SEMA6D: variants seen among roughly 807,000 people sequenced by gnomAD.
SEMA6D encodes semaphorin 6D.
A neutral mutation model predicts 106.6 loss-of-function variants in SEMA6D; 35 were observed. That is an observed-to-expected ratio of 0.33 (90% CI 0.25 to 0.44). The LOEUF is 0.44. Among genes scored for constraint, SEMA6D ranks in the 20% least tolerant of loss-of-function variants. SEMA6D has a pLI of 1.00. For synonymous variants in SEMA6D, 499 were observed against 487.7 expected (o/e 1.02, Z -0.31); for missense variants, 1,185 against 1,345.9 (o/e 0.88, Z 1.87).
chr15:47,768,848 C>A, intron 18 of SEMA6D, 100 bp downstream of exon 18: 1 of 1,168,292 alleles, frequency 8.6e-7, no homozygotes, highest in Non-Finnish European at 1.2e-6. Context: ...CTCACAGGAG[C>A]TTCTGCGGTT....
chr15:47,445,269 G>A (rs967097163), intron 2 of SEMA6D, among the ~76,000 whole-genome samples: 3 of 151,938 alleles, frequency 2.0e-5, no homozygotes, highest in Admixed American at 6.6e-5. Flanking sequence ...TCTCACTGAG[G>A]GCCATGAGTT....
At chr15:47,227,658 G>C (rs931548479) in intron 1 of SEMA6D, among the ~76,000 whole-genome samples, 1 of 148,628 alleles carries the variant, frequency 6.7e-6, no homozygotes, top group East Asian at 2.0e-4. Flanking sequence ...TGTGTAAAAG[G>C]TAGATATCTG....
rs1484924727 is a variant in SEMA6D, at chr15:47,771,252, A to G, written c.2689A>G (p.Met897Val). ...NDPNSNPKAI[M>V]GDIQMAHQNL... ...CCCAAATAGTAACCCCAAAGCCATC[A>G]TGGGAGACATCCAGATGGCACACCA... Residue 897 changes from methionine to valine, a missense_variant, in exon 19 of 19, where the codon ATG becomes GTG. By Grantham distance (21) the Met-to-Val change is conservative (BLOSUM62 1). Around this residue, in one of 3 missense-constraint regions of SEMA6D, gnomAD observed 750 missense variants for 783.5 expected, o/e 0.96. Coordinates refer to ENST00000536845, the MANE Select transcript of SEMA6D (RefSeq NM_001358351.3). 2 of 1,614,056 alleles carry G rather than the reference A, an allele frequency of 1.2e-6. No individual in the cohort carries two copies. The highest frequency in any genetic ancestry group is 1.7e-4 in the Middle Eastern group (1 of 6,060).
In SEMA6D at chr15:47,554,237, G is replaced by A. The variant is rs566505437; in HGVS notation, c.-86-46628G>A. 2.0e-4 allele frequency among the ~76,000 whole-genome samples: 31 copies of A among 152,266 alleles called. No individual in the cohort carries two copies. In the South Asian group the frequency reaches 5.8e-3, roughly 29 times the overall value. On this transcript the variant is annotated intron_variant, in intron 3 of 19. Coordinates refer to the SEMA6D transcript ENST00000558014. ...CACTCTAGTGTAGAGTCCTCTATTC[G>A]TAGCCTCTGTACATTCTGGAGTCCA...
At chr15:47,380,786 G>A (rs2039613581) in intron 1 of SEMA6D, among the ~76,000 whole-genome samples, 1 of 152,244 alleles carries the variant, frequency 6.6e-6, no homozygotes, top group East Asian at 1.9e-4. Flanking sequence ...AGTCAGTTAA[G>A]TAAAGATCAG....
At chr15:47,711,617 T>G (rs143604567) in intron 4 of SEMA6D, among the ~76,000 whole-genome samples, 1 of 152,302 alleles carries the variant, frequency 6.6e-6, no homozygotes, top group African/African-American at 2.4e-5. Context: ...GCTTTTGATT[T>G]TTATCCCAGA....
upstream of SEMA6D, among the ~76,000 whole-genome samples, chr15:47,715,465 A>T (rs747780392): frequency 7.9e-5 from 12 of 152,212 alleles, no homozygotes; most frequent in Non-Finnish European, 1.8e-4. Context: ...GCTTAAAAGT[A>T]ATATTTTGGT....
Position 47,762,291 on chromosome 15 carries a change from A to G in SEMA6D, c.630A>G (p.Thr210=). The G allele has an allele frequency of 1.9e-6, 3 of 1,613,610 alleles. No individual in the cohort carries two copies. Among genetic ancestry groups the G allele is most frequent in the Non-Finnish European group, 2.5e-6 (3 of 1,179,618 alleles). The change falls in exon 8 of 19, where the codon ACA becomes ACG. Residue 210 remains threonine, a synonymous_variant. Coordinates refer to ENST00000536845, the MANE Select transcript of SEMA6D (RefSeq NM_001358351.3). The part of the protein sequence containing the change: ...RSMGDGSALR[T]IKYDSKWIKE... ...TGGGTGATGGATCTGCCCTTCGCAC[A>G]ATAAAATATGATTCCAAATGGATAA...
chr15:47,345,307 T>C (rs1480698692), intron 1 of SEMA6D, among the ~76,000 whole-genome samples: 2 of 152,112 alleles, frequency 1.3e-5, no homozygotes, highest in Admixed American at 6.6e-5. Flanking sequence ...CACTAACAGA[T>C]TGTAAGGCTT....
Position 47,710,263 on chromosome 15 carries a change from A to C in SEMA6D, c.-54-49482A>C, listed in dbSNP as rs75191300. 3.4e-3 allele frequency among the ~76,000 whole-genome samples: 517 copies of C among 152,320 alleles called. 5 individuals are homozygous for C. Among genetic ancestry groups the C allele is most frequent in the African/African-American group, 0.012 (496 of 41,576 alleles). On this transcript the variant is annotated intron_variant, in intron 4 of 19. Transcript: ENST00000558014. ...ATATAAGAGACAAGCATTTCTTCTT[A>C]TTTTAATATGACAGTTACTGAGGTT...
intron 2 of SEMA6D, among the ~76,000 whole-genome samples, chr15:47,458,002 A>G (rs2042395371): frequency 6.6e-6 from 1 of 151,996 alleles, no homozygotes; most frequent in Non-Finnish European, 1.5e-5. Flanking sequence ...GAAACCTCTT[A>G]AAGTACTGAA....
At chr15:47,542,799 C>A (rs1044142188) in intron 3 of SEMA6D, among the ~76,000 whole-genome samples, 1 of 152,148 alleles carries the variant, frequency 6.6e-6, no homozygotes, top group African/African-American at 2.4e-5. Context: ...AGATGCTCTT[C>A]CTAGCAATGA....
chr15:47,652,481 G>A (rs538817988), intron 4 of SEMA6D, among the ~76,000 whole-genome samples: 24 of 152,036 alleles, frequency 1.6e-4, no homozygotes, highest in East Asian at 5.8e-4. Context: ...TGCCCGCTCC[G>A]CTCCCCTTCT....
At chr15:47,768,791 C>G in intron 18 of SEMA6D, 43 bp downstream of exon 18, 1 of 1,573,918 alleles carries the variant, frequency 6.4e-7, no homozygotes, top group Non-Finnish European at 8.7e-7. Context: ...GCGTGGAAAC[C>G]TGATCCTTAA....
At chr15:47,765,342 C>G in intron 13 of SEMA6D, 1 of 1,188,056 alleles carries the variant, frequency 8.4e-7, no homozygotes, top group Non-Finnish European at 1.0e-6. Context: ...AGATATATTC[C>G]AAGATGCTAC....
intron 2 of SEMA6D, among the ~76,000 whole-genome samples, chr15:47,428,904 G>T (rs1319102434): frequency 1.3e-5 from 2 of 151,384 alleles, no homozygotes; most frequent in African/African-American, 2.4e-5. Flanking sequence ...GAAAAGAAAA[G>T]AAGTGGAAAG....
chr15:47,185,809 A>G (rs1366865281), intron 1 of SEMA6D: 2 of 152,072 alleles, frequency 1.3e-5, no homozygotes, highest in Non-Finnish European at 2.9e-5. Context: ...CATTCTTTAA[A>G]TTACAATGGT....
intron 1 of SEMA6D, among the ~76,000 whole-genome samples, chr15:47,336,406 A>G (rs1288475131): frequency 6.6e-6 from 1 of 152,148 alleles, no homozygotes; most frequent in African/African-American, 2.4e-5. Flanking sequence ...CAAATTCTCC[A>G]CTTGATAATT....
intron 4 of SEMA6D, among the ~76,000 whole-genome samples, chr15:47,687,743 G>A (rs191312181): frequency 6.6e-6 from 1 of 152,288 alleles, no homozygotes; most frequent in African/African-American, 2.4e-5. Flanking sequence ...AAAAGTAGCA[G>A]AGAGAGATTT....
Sources: allele counts gnomAD v4.1 joint callset (sites outside exome capture counted in the v4.1 genomes callset), GRCh38; gene constraint gnomAD v4.1.1; regional missense constraint gnomAD v4.1.1; transcripts MANE v1.5; gene names NCBI Gene and HGNC (gene_info 2026-07-23, HGNC 2026-07-21).